The following PPP2R2B variants were observed in gnomAD, a reference collection of about 807,000 sequenced individuals.
The protein encoded by PPP2R2B is protein phosphatase 2 regulatory subunit Bbeta.
PPP2R2B carries 5 observed loss-of-function variants against 46.0 expected under a neutral mutation model. That is an observed-to-expected ratio of 0.11 (90% CI 0.06 to 0.23). The LOEUF (loss-of-function observed/expected upper bound fraction) is 0.23. Among genes scored for constraint, PPP2R2B ranks in the 10% least tolerant of loss-of-function variants. The pLI, the probability that PPP2R2B is intolerant of heterozygous loss-of-function variation, is 1.00. For synonymous variants in PPP2R2B, 215 were observed against 206.7 expected, an observed-to-expected ratio of 1.04 and a Z score of -0.34; for missense variants, 367 against 575.0, an observed-to-expected ratio of 0.64 and a Z score of 3.70.
chr5:146,839,264 T>C (rs1302283159), intron 2 of PPP2R2B, among the ~76,000 whole-genome samples: 1 of 152,222 alleles, frequency 6.6e-6, no homozygotes, highest in African/African-American at 2.4e-5. Flanking sequence ...CTCCTACCTG[T>C]AACCCCAGCA....
At chr5:146,874,675 G>A (rs1482389349) in intron 2 of PPP2R2B, among the ~76,000 whole-genome samples, 3 of 152,238 alleles carry the variant, frequency 2.0e-5, no homozygotes, top group South Asian at 2.1e-4. Flanking sequence ...TTGAAAGTAG[G>A]AAGATTAATC....
At chr5:146,875,027 TGAA>T (rs1032216569) in intron 2 of PPP2R2B, among the ~76,000 whole-genome samples, 28 of 152,250 alleles carry the variant, frequency 1.8e-4, no homozygotes, top group African/African-American at 6.3e-4. Context: ...TAAAGGAAAA[TGAA>T]GTAGTGCAGA....
intron 2 of PPP2R2B, among the ~76,000 whole-genome samples, chr5:146,756,829 T>A (rs1753862821): frequency 6.6e-6 from 1 of 152,154 alleles, no homozygotes; most frequent in African/African-American, 2.4e-5. Context: ...GCTGGATGGG[T>A]AACAAGGCAC....
intron 1 of PPP2R2B, among the ~76,000 whole-genome samples, chr5:146,971,445 C>T (rs1752657389): frequency 6.6e-6 from 1 of 152,148 alleles, no homozygotes; most frequent in African/African-American, 2.4e-5. Flanking sequence ...TGTTGGGAGT[C>T]TTTTTTCCAA....
At chr5:146,798,283 C>G (rs1296961212) in intron 2 of PPP2R2B, among the ~76,000 whole-genome samples, 3 of 152,184 alleles carry the variant, frequency 2.0e-5, no homozygotes, top group Non-Finnish European at 4.4e-5. Flanking sequence ...TCTCCTCTCA[C>G]GTATCACTGG....
chr5:146,856,580 G>A (rs1328210662), intron 2 of PPP2R2B: 5 of 1,610,732 alleles, frequency 3.1e-6, no homozygotes, highest in Non-Finnish European at 4.2e-6. Context: ...TTCTCCCTTG[G>A]CTCCTGTGAC....
chr5:146,746,340 C>G (rs1020669365), intron 2 of PPP2R2B, among the ~76,000 whole-genome samples: 2 of 151,550 alleles, frequency 1.3e-5, no homozygotes, highest in Admixed American at 6.6e-5. Flanking sequence ...GACACAACAT[C>G]TGTATTAACT....
At chr5:146,756,520 T>C (rs1385592629) in intron 2 of PPP2R2B, among the ~76,000 whole-genome samples, 5 of 152,342 alleles carry the variant, frequency 3.3e-5, no homozygotes, top group Admixed American at 2.0e-4. Flanking sequence ...ATGTGAATCT[T>C]TTCTGCAGGA....
At chr5:146,698,557 C>A (rs1779343185) in intron 3 of PPP2R2B, among the ~76,000 whole-genome samples, 1 of 151,696 alleles carries the variant, frequency 6.6e-6, no homozygotes, top group Non-Finnish European at 1.5e-5. Context: ...TACATCGACC[C>A]CTTAAAGAGA....
intron 5 of PPP2R2B, among the ~76,000 whole-genome samples, chr5:146,687,534 C>T (rs947063998): frequency 5.3e-5 from 8 of 152,134 alleles, no homozygotes; most frequent in Admixed American, 4.6e-4. Context: ...CTGTCCTGCC[C>T]TCCTCATTGG....
At chr5:146,656,467 A>G (rs765095910) in intron 5 of PPP2R2B, 4 of 151,848 alleles carry the variant, frequency 2.6e-5, no homozygotes, top group Non-Finnish European at 5.9e-5. Context: ...CGATCCCACT[A>G]CTGATCAATA....
At chr5:146,682,390 C>T (rs935428403) in intron 5 of PPP2R2B, among the ~76,000 whole-genome samples, 3 of 152,148 alleles carry the variant, frequency 2.0e-5, no homozygotes, top group African/African-American at 4.8e-5. Flanking sequence ...ATAAACTAAG[C>T]GTCTATTGAT....
At chr5:146,994,173 C>T (rs1753824622) in intron 1 of PPP2R2B, among the ~76,000 whole-genome samples, 1 of 152,190 alleles carries the variant, frequency 6.6e-6, no homozygotes, top group Non-Finnish European at 1.5e-5. Flanking sequence ...GCAGCTCCAG[C>T]AGGCTTTTCC....
intron 2 of PPP2R2B, among the ~76,000 whole-genome samples, chr5:146,755,226 A>G (rs1463317746): frequency 6.6e-6 from 1 of 152,178 alleles, no homozygotes; most frequent in Non-Finnish European, 1.5e-5. Context: ...TTTTTGTTAT[A>G]CATGCATTCA....
chr5:146,915,768 G>T (rs1040769045), intron 1 of PPP2R2B, among the ~76,000 whole-genome samples: 1 of 152,010 alleles, frequency 6.6e-6, no homozygotes, highest in African/African-American at 2.4e-5. Flanking sequence ...CTGTTATTGG[G>T]CCCTTCTCCT....
intron 2 of PPP2R2B, among the ~76,000 whole-genome samples, chr5:146,820,139 G>C (rs939337282): frequency 6.6e-6 from 1 of 152,166 alleles, no homozygotes; most frequent in Non-Finnish European, 1.5e-5. Context: ...CTGTTGCACA[G>C]AAGGGTGACT....
At chr5:146,989,663 A>G (rs1014344819) in intron 1 of PPP2R2B, among the ~76,000 whole-genome samples, 2 of 152,128 alleles carry the variant, frequency 1.3e-5, no homozygotes, top group Admixed American at 6.5e-5. Flanking sequence ...CAAAAGTTGA[A>G]AGGTTTTTCT....
At position 146,809,847 on chromosome 5, in the gene PPP2R2B, G is replaced by A. The variant is rs565842102; in HGVS notation, c.70+68155C>T. Reference sequence around the variant, plus strand: ...GCAGAGAGTGGAAGCAGGGAGACCCGGTAGGGGCTCTGTCTGTAGTGCAGG... The same window carrying A: ...GCAGAGAGTGGAAGCAGGGAGACCCAGTAGGGGCTCTGTCTGTAGTGCAGG... On this transcript the variant is annotated intron_variant, in intron 2 of 9. Coordinates refer to ENST00000394411, the MANE Select transcript of PPP2R2B (RefSeq NM_181675.4). Among the ~76,000 whole-genome samples, 11 of 152,290 alleles carry A rather than the reference G, an allele frequency of 7.2e-5. No individual in the cohort carries two copies. In the South Asian group the frequency reaches 1.5e-3, roughly 20 times the overall value.
intron 8 of PPP2R2B, among the ~76,000 whole-genome samples, chr5:146,597,719 G>A (rs1771324152): frequency 1.3e-5 from 2 of 152,158 alleles, no homozygotes; most frequent in South Asian, 2.1e-4. Flanking sequence ...TCTCTTAGAT[G>A]AGTACTTTAC....
Sources: gnomAD v4.1 joint callset for allele counts (sites outside exome capture counted in the v4.1 genomes callset) on GRCh38, gnomAD v4.1.1 for gene constraint, MANE v1.5 for transcripts, NCBI Gene and HGNC (gene_info 2026-07-23, HGNC 2026-07-21) for gene names.